Variants in PIK3AP1 observed in about 807,000 individuals in gnomAD.
The protein encoded by PIK3AP1 is phosphoinositide-3-kinase adaptor protein 1.
A neutral mutation model predicts 88.1 loss-of-function variants in PIK3AP1; 21 were observed. The observed-to-expected ratio is 0.24, with a 90% CI of 0.17 to 0.34. The LOEUF (loss-of-function observed/expected upper bound fraction) is 0.34. PIK3AP1 is among the 10% of genes least tolerant of loss of function. The pLI is 1.00. For missense variants in PIK3AP1, 828 were observed against 1,035.7 expected (o/e 0.80, Z 2.75); for synonymous variants, 398 against 400.0 (o/e 1.00, Z 0.06).
chr10:96,637,314 T>TCTCACA (rs1843324482), intron 8 of PIK3AP1, among the ~76,000 whole-genome samples: 1 of 127,998 alleles, frequency 7.8e-6, no homozygotes, highest in African/African-American at 2.8e-5. Context: ...AGATATACAA[T>TCTCACA]CACACACACA....
intron 14 of PIK3AP1, among the ~76,000 whole-genome samples, chr10:96,605,998 G>C (rs1848996032): frequency 6.6e-6 from 1 of 152,084 alleles, no homozygotes; most frequent in Admixed American, 6.5e-5. Context: ...GCAGAGAACT[G>C]CTTGAACCCG....
intron 2 of PIK3AP1, among the ~76,000 whole-genome samples, chr10:96,704,553 A>G (rs1844338421): frequency 6.6e-6 from 1 of 152,042 alleles, no homozygotes; most frequent in Admixed American, 6.6e-5. Context: ...CCCCATCACT[A>G]CTAAAAATAC....
intron 13 of PIK3AP1, among the ~76,000 whole-genome samples, chr10:96,616,301 A>G (rs958783102): frequency 2.0e-5 from 3 of 152,190 alleles, no homozygotes. Context: ...CTGCTTAAAA[A>G]ACATAAGTCC....
At chr10:96,658,107 T>A (rs1337127027) in intron 2 of PIK3AP1, among the ~76,000 whole-genome samples, 1 of 150,168 alleles carries the variant, frequency 6.7e-6, no homozygotes, top group Admixed American at 6.7e-5. Flanking sequence ...GAGAGAGAAG[T>A]TTCATCAGTC....
At chr10:96,661,842 AAAAGGG>A (rs1325589453) in intron 2 of PIK3AP1, among the ~76,000 whole-genome samples, 1 of 129,746 alleles carries the variant, frequency 7.7e-6, no homozygotes, top group African/African-American at 2.9e-5. Context: ...AAGGAAAGGG[AAAAGGG>A]AAAGGGAAAG....
chr10:96,667,502 A>G (rs190437111), intron 2 of PIK3AP1, among the ~76,000 whole-genome samples: 3 of 152,284 alleles, frequency 2.0e-5, no homozygotes, highest in Admixed American at 2.0e-4. Context: ...CATTCCACAC[A>G]TTTTACAGCC....
intron 1 of PIK3AP1, among the ~76,000 whole-genome samples, chr10:96,718,929 A>G (rs967681733): frequency 6.6e-6 from 1 of 151,734 alleles, no homozygotes; most frequent in Non-Finnish European, 1.5e-5. Flanking sequence ...TGCTTGGAGC[A>G]CTCTTCCCCA....
At chr10:96,675,770 C>T (rs920326856) in intron 2 of PIK3AP1, among the ~76,000 whole-genome samples, 1 of 152,120 alleles carries the variant, frequency 6.6e-6, no homozygotes, top group African/African-American at 2.4e-5. Context: ...ATAGTAAGTG[C>T]TCAATAAAAG....
intron 2 of PIK3AP1, among the ~76,000 whole-genome samples, chr10:96,699,906 A>C (rs1250490377): frequency 6.6e-6 from 1 of 152,232 alleles, no homozygotes; most frequent in African/African-American, 2.4e-5. Flanking sequence ...AAAGAGGGTA[A>C]CACAGATGTC....
intron 13 of PIK3AP1, among the ~76,000 whole-genome samples, chr10:96,616,277 A>AT (rs1488387297): frequency 6.6e-6 from 1 of 152,108 alleles, no homozygotes; most frequent in East Asian, 1.9e-4. Context: ...GGTAAATGGG[A>AT]TTTTCTCCTT....
At chr10:96,633,080 C>T (rs1843268240) in intron 8 of PIK3AP1, 2 of 1,564,286 alleles carry the variant, frequency 1.3e-6, no homozygotes, top group Admixed American at 3.8e-5. Flanking sequence ...AGCAATTTCT[C>T]TCATAGCAAC....
At chr10:96,687,672 T>C (rs1174058641) in intron 2 of PIK3AP1, among the ~76,000 whole-genome samples, 1 of 152,198 alleles carries the variant, frequency 6.6e-6, no homozygotes, top group Non-Finnish European at 1.5e-5. Flanking sequence ...ATCTCTTGCT[T>C]TCTAATCCCA....
At chr10:96,670,079 G>A (rs944720164) in intron 2 of PIK3AP1, among the ~76,000 whole-genome samples, 1 of 150,330 alleles carries the variant, frequency 6.7e-6, no homozygotes, top group Non-Finnish European at 1.5e-5. Context: ...GGAAGCTGAG[G>A]CAGGAGAATA....
Position 96,651,537 on chromosome 10 carries a change from G to T in PIK3AP1, c.827C>A (p.Ala276Asp). 6.2e-7 allele frequency: 1 copy of T among 1,614,190 alleles called. No homozygotes were observed. The highest frequency in any genetic ancestry group is 8.5e-7 in the Non-Finnish European group (1 of 1,180,036). ...ACACATGAATTCCACAGGATTCGCGGCATTGGACAATAAATTCCCAATTTC... is the reference window on the plus strand; with the variant it reads ...ACACATGAATTCCACAGGATTCGCGTCATTGGACAATAAATTCCCAATTTC... ...MEEIGNLLSN[A>D]ANPVEFMCQA... Residue 276 changes from alanine to aspartate, a missense_variant, in exon 5 of 17, where the codon GCC (alanine) becomes GAC (aspartate). Coordinates refer to ENST00000339364, the MANE Select transcript of PIK3AP1 (RefSeq NM_152309.3).
chr10:96,600,232 T>A (rs1261231543), intron 16 of PIK3AP1, among the ~76,000 whole-genome samples: 1 of 152,226 alleles, frequency 6.6e-6, no homozygotes, highest in Non-Finnish European at 1.5e-5. Flanking sequence ...AGTTTCTACA[T>A]CTGCAAAATG....
chr10:96,711,380 A>G (rs146015797), intron 1 of PIK3AP1, among the ~76,000 whole-genome samples: 1 of 152,346 alleles, frequency 6.6e-6, no homozygotes, highest in Non-Finnish European at 1.5e-5. Flanking sequence ...TTGGGTCATC[A>G]TCTCTCCATG....
chr10:96,635,026 G>A (rs1843294568), intron 8 of PIK3AP1, among the ~76,000 whole-genome samples: 1 of 152,174 alleles, frequency 6.6e-6, no homozygotes, highest in African/African-American at 2.4e-5. Context: ...TCTGTTTTCT[G>A]ACGCCCTCTT....
intron 16 of PIK3AP1, among the ~76,000 whole-genome samples, chr10:96,599,827 A>T (rs962669230): frequency 8.5e-5 from 13 of 152,118 alleles, no homozygotes; most frequent in Non-Finnish European, 1.9e-4. Context: ...TTTAGCAAAA[A>T]ATGTTTTCCT....
chr10:96,696,401 C>G (rs1287436630), intron 2 of PIK3AP1, among the ~76,000 whole-genome samples: 1 of 152,156 alleles, frequency 6.6e-6, no homozygotes, highest in East Asian at 1.9e-4. Context: ...GAATGAAGAC[C>G]ATATGACAAG....
Sources: allele counts gnomAD v4.1 joint callset (sites outside exome capture counted in the v4.1 genomes callset), GRCh38; gene constraint gnomAD v4.1.1; transcripts MANE v1.5; gene names NCBI Gene and HGNC (gene_info 2026-07-23, HGNC 2026-07-21).